The following THSD7B variants were observed in gnomAD, a reference collection of about 807,000 sequenced individuals.
The protein encoded by THSD7B is thrombospondin type-1 domain-containing protein 7B.
In THSD7B, 138 loss-of-function variants were observed where a neutral mutation model predicts 213.6. The observed-to-expected ratio is 0.65, with a 90% confidence interval of 0.56 to 0.74. The LOEUF (loss-of-function observed/expected upper bound fraction) is 0.74. THSD7B is among the 30% of genes least tolerant of loss of function. The pLI, the probability that THSD7B is intolerant of heterozygous loss-of-function variation, is 0.00. For missense variants in THSD7B, 1,931 were observed against 1,991.5 expected (o/e 0.97, Z 0.58); for synonymous variants, 742 against 687.0 (o/e 1.08, Z -1.25).
In THSD7B at chr2:137,342,830, A is replaced by G. The variant is rs143728477; in HGVS notation, c.2501-62783A>G. Among the ~76,000 whole-genome samples, 22 of 151,812 alleles carry G rather than the reference A, an allele frequency of 1.4e-4. No individual in the cohort carries two copies. The East Asian group carries it at 4.1e-3, about 28-fold the overall frequency. On this transcript the variant is annotated intron_variant, in intron 12 of 27. Coordinates refer to ENST00000409968, the MANE Select transcript of THSD7B (RefSeq NM_001316349.2). ...TTCATTCTGTTTAATGTAATGTGTC[A>G]TGTTTATTGATTTGCATACGGTAAA...
intron 12 of THSD7B, among the ~76,000 whole-genome samples, chr2:137,360,725 C>G (rs2104934170): frequency 6.6e-6 from 1 of 152,312 alleles, no homozygotes; most frequent in East Asian, 1.9e-4. Flanking sequence ...TGGGTGGAAC[C>G]AACTGCAGCT....
chr2:137,337,562 A>G (rs1389742560), intron 12 of THSD7B, among the ~76,000 whole-genome samples: 1 of 152,080 alleles, frequency 6.6e-6, no homozygotes, highest in Admixed American at 6.6e-5. Context: ...TAATTAATAC[A>G]TATTATGTGT....
chr2:136,992,839 G>A lies in THSD7B; in HGVS notation c.140-63581G>A, dbSNP rs558765342. 2.6e-5 allele frequency among the ~76,000 whole-genome samples: 4 copies of A among 152,268 alleles called. No homozygotes were observed. In the South Asian group the frequency reaches 8.3e-4, roughly 32 times the overall value. ...ATACCAGCCCATAGAGTGGACCCAAGACTACGCATGGGTCATCCGCAATGT... is the reference window on the plus strand; with the variant it reads ...ATACCAGCCCATAGAGTGGACCCAAAACTACGCATGGGTCATCCGCAATGT... On this transcript the variant is annotated intron_variant, in intron 2 of 27. Coordinates refer to ENST00000409968, the MANE Select transcript of THSD7B (RefSeq NM_001316349.2).
intron 1 of THSD7B, among the ~76,000 whole-genome samples, chr2:136,812,490 A>G (rs1682392113): frequency 6.6e-6 from 1 of 152,244 alleles, no homozygotes; most frequent in Admixed American, 6.5e-5. Context: ...GTTGTAAGCT[A>G]AAATTCAGAA....
intron 3 of THSD7B, among the ~76,000 whole-genome samples, chr2:137,066,475 T>A (rs999972761): frequency 1.3e-5 from 2 of 152,138 alleles, no homozygotes; most frequent in African/African-American, 2.4e-5. Context: ...ATTACAGGCG[T>A]GAGCCACTGC....
intron 1 of THSD7B, among the ~76,000 whole-genome samples, chr2:136,793,785 A>G (rs116523069): frequency 0.013 from 1,974 of 152,026 alleles, 19 homozygotes; most frequent in Non-Finnish European, 0.02. Context: ...TCCTAGCCTC[A>G]TAACATAAAT....
At position 136,822,110 on chromosome 2, in the gene THSD7B, T is replaced by C. The variant is rs556906800; in HGVS notation, c.-36+56423T>C. ...AAGTAACTAGGGCATAATTGTACGATGACTTGGGAGTTATAAAGAGGAGGT... is the reference window on the plus strand; with the variant it reads ...AAGTAACTAGGGCATAATTGTACGACGACTTGGGAGTTATAAAGAGGAGGT... On this transcript the variant is annotated intron_variant, in intron 1 of 27. Coordinates refer to ENST00000409968, the MANE Select transcript of THSD7B (RefSeq NM_001316349.2). Among the ~76,000 whole-genome samples the C allele has an allele frequency of 3.9e-5, 6 of 152,272 alleles. No homozygotes were observed. The South Asian group carries it at 1.2e-3, about 32-fold the overall frequency.
chr2:136,800,642 T>G (rs77886586), intron 1 of THSD7B, among the ~76,000 whole-genome samples: 9 of 152,170 alleles, frequency 5.9e-5, no homozygotes, highest in African/African-American at 2.2e-4. Flanking sequence ...AATAAAATGT[T>G]TGCAAGATGA....
At chr2:137,213,767 C>T (rs1049688737) in intron 7 of THSD7B, among the ~76,000 whole-genome samples, 5 of 152,016 alleles carry the variant, frequency 3.3e-5, no homozygotes, top group Admixed American at 3.3e-4. Flanking sequence ...GAATTATTCC[C>T]ATCCTTGTTT....
At chr2:137,141,736 A>G (rs945599811) in intron 5 of THSD7B, among the ~76,000 whole-genome samples, 1 of 151,868 alleles carries the variant, frequency 6.6e-6, no homozygotes, top group Admixed American at 6.6e-5. Flanking sequence ...TAAAACAATC[A>G]TATTTAGTTA....
At chr2:137,381,268 G>A (rs964884177) in intron 12 of THSD7B, among the ~76,000 whole-genome samples, 10 of 152,220 alleles carry the variant, frequency 6.6e-5, no homozygotes, top group Non-Finnish European at 1.3e-4. Context: ...AGGCACTGAA[G>A]CAGCTAGAAG....
chr2:137,289,564 A>G (rs1683274565), intron 12 of THSD7B, among the ~76,000 whole-genome samples: 1 of 145,436 alleles, frequency 6.9e-6, no homozygotes, highest in Non-Finnish European at 1.6e-5. Flanking sequence ...AAACAAAGAC[A>G]GAAAAATGAT....
intron 25 of THSD7B, among the ~76,000 whole-genome samples, chr2:137,661,761 G>C (rs539041996): frequency 1.3e-5 from 2 of 152,248 alleles, no homozygotes; most frequent in African/African-American, 4.8e-5. Flanking sequence ...TTCAGGGGTA[G>C]AGGTCGTTTT....
chr2:137,100,530 T>A (rs1164001302), intron 4 of THSD7B, among the ~76,000 whole-genome samples: 1 of 152,090 alleles, frequency 6.6e-6, no homozygotes, highest in African/African-American at 2.4e-5. Context: ...AATAGTAATG[T>A]CCCAACACAT....
At chr2:137,248,439 A>C (rs562954890) in intron 10 of THSD7B, among the ~76,000 whole-genome samples, 49 of 152,258 alleles carry the variant, frequency 3.2e-4, no homozygotes, top group African/African-American at 1.1e-3. Context: ...AAATAGACAC[A>C]TCTCTTCCCC....
At chr2:137,280,285 G>C (rs545414613) in intron 12 of THSD7B, among the ~76,000 whole-genome samples, 2 of 152,066 alleles carry the variant, frequency 1.3e-5, no homozygotes, top group African/African-American at 4.8e-5. Flanking sequence ...GCAGGGCCTC[G>C]TACTTTCACT....
intron 12 of THSD7B, among the ~76,000 whole-genome samples, chr2:137,331,498 A>G (rs1684505520): frequency 6.6e-6 from 1 of 152,176 alleles, no homozygotes; most frequent in African/African-American, 2.4e-5. Flanking sequence ...ATCCTGACAT[A>G]AAGGTTCTCC....
chr2:137,533,338 A>G (rs1485068278), intron 15 of THSD7B, among the ~76,000 whole-genome samples: 1 of 151,800 alleles, frequency 6.6e-6, no homozygotes, highest in Non-Finnish European at 1.5e-5. Flanking sequence ...CTCTGGTTAA[A>G]TCTCTCCTCT....
At chr2:137,389,192 T>TCATATATATA (rs1685959159) in intron 12 of THSD7B, among the ~76,000 whole-genome samples, 1 of 16,234 alleles carries the variant, frequency 6.2e-5, no homozygotes, top group Non-Finnish European at 1.9e-4. Flanking sequence ...CATATATCTG[T>TCATATATATA]CATATATATA....
Sources: gnomAD v4.1 joint callset for allele counts (sites outside exome capture counted in the v4.1 genomes callset) on GRCh38, gnomAD v4.1.1 for gene constraint, MANE v1.5 for transcripts, NCBI Gene and HGNC (gene_info 2026-07-23, HGNC 2026-07-21) for gene names.